SMURF2: variants seen among roughly 807,000 people sequenced by gnomAD.
SMURF2 encodes the protein SMAD specific E3 ubiquitin protein ligase 2.
A neutral mutation model predicts 109.6 loss-of-function variants in SMURF2; 48 were observed. That is an observed-to-expected ratio of 0.44 (90% CI 0.35 to 0.56). The LOEUF (loss-of-function observed/expected upper bound fraction) is 0.56. Among genes scored for constraint, SMURF2 ranks in the 20% least tolerant of loss-of-function variants. SMURF2 has a pLI of 0.01. For missense variants in SMURF2, 575 were observed against 909.0 expected (o/e 0.63, Z 4.72); for synonymous variants, 288 against 317.1 (o/e 0.91, Z 0.97).
In SMURF2 at chr17:64,661,892, CGGGGGCG is replaced by C; in HGVS notation, c.-19_-13del. On this transcript the variant is annotated 5_prime_UTR_variant, in exon 1 of 19. Coordinates refer to ENST00000262435, the MANE Select transcript of SMURF2 (RefSeq NM_022739.4). ...CCGGGGTTAGACATGTCCCCGGCGG[CGGGGGCG>C]GCGGGGGCGGCGGGCGGCACGGGGG... 8.9e-7 allele frequency: 1 copy of C among 1,120,630 alleles called. No homozygotes were observed. Among genetic ancestry groups the C allele is most frequent in the African/African-American group, 2.6e-5 (1 of 38,128 alleles). 69.4% of individuals were successfully genotyped at this position (1,120,630 alleles called of 1,614,324 possible). A position where few individuals can be genotyped will look rare whatever the true frequency, so the allele number is the denominator to read the frequency against.
At chr17:64,570,260 TAACA>T (rs1969378968) in intron 10 of SMURF2, among the ~76,000 whole-genome samples, 2 of 152,234 alleles carry the variant, frequency 1.3e-5, no homozygotes, top group South Asian at 4.1e-4. Context: ...TTTAACATTT[TAACA>T]TACATAAGAA....
chr17:64,583,853 T>C (rs1277124374), intron 6 of SMURF2, among the ~76,000 whole-genome samples: 3 of 149,344 alleles, frequency 2.0e-5, no homozygotes, highest in African/African-American at 7.7e-5. Flanking sequence ...AAAATGGCTA[T>C]ACTAAGAATA....
chr17:64,605,049 A>C (rs1969950160), intron 2 of SMURF2, among the ~76,000 whole-genome samples: 1 of 152,034 alleles, frequency 6.6e-6, no homozygotes, highest in South Asian at 2.1e-4. Context: ...ACCTTAGATC[A>C]ACCTTATCAA....
intron 10 of SMURF2, among the ~76,000 whole-genome samples, chr17:64,568,027 T>G (rs1262100439): frequency 2.0e-5 from 3 of 152,072 alleles, no homozygotes; most frequent in African/African-American, 7.2e-5. Context: ...CTAATTTTTT[T>G]GTATTTTTAG....
intron 1 of SMURF2, among the ~76,000 whole-genome samples, chr17:64,657,375 C>T (rs1047340712): frequency 6.6e-6 from 1 of 152,012 alleles, no homozygotes; most frequent in Non-Finnish European, 1.5e-5. Context: ...GGACATATTA[C>T]GTCTTTAAGA....
intron 1 of SMURF2, among the ~76,000 whole-genome samples, chr17:64,657,701 A>G (rs1429605707): frequency 6.6e-6 from 1 of 151,696 alleles, no homozygotes; most frequent in Non-Finnish European, 1.5e-5. Flanking sequence ...TGTGGGCAAC[A>G]GAATGAGATT....
chr17:64,571,713 C>G (rs1363738946), intron 10 of SMURF2, 85 bp downstream of exon 10: 14 of 1,356,450 alleles, frequency 1.0e-5, no homozygotes, highest in Non-Finnish European at 1.4e-5. Flanking sequence ...GCCACTGTAT[C>G]GAGACTCACA....
In SMURF2 at chr17:64,542,724, A is replaced by C. The variant is rs1968891751; in HGVS notation, c.*3124T>G. On this transcript the variant is annotated 3_prime_UTR_variant, in exon 19 of 19. Transcript: ENST00000262435. ...TCAGTCCAATGCACTGGAAATTCAA[A>C]GCCCAGATTTAGTGTTGTAAAGTAA... The C allele has an allele frequency of 6.6e-6, 1 of 152,230 alleles. No homozygotes were observed. Among genetic ancestry groups the C allele is most frequent in the Non-Finnish European group, 1.5e-5 (1 of 68,054 alleles). 9.4% of individuals were successfully genotyped at this position (152,230 alleles called of 1,614,324 possible).
At chr17:64,619,478 CAAAAAAA>C (rs552413988) in intron 1 of SMURF2, among the ~76,000 whole-genome samples, 94 of 34,910 alleles carry the variant, frequency 2.7e-3, no homozygotes, top group Admixed American at 6.7e-3. Context: ...ACTCTTGTCT[CAAAAAAA>C]AAAAAAAAAA....
At chr17:64,573,626 G>A (rs1048790033) in intron 9 of SMURF2, among the ~76,000 whole-genome samples, 4 of 152,098 alleles carry the variant, frequency 2.6e-5, no homozygotes, top group South Asian at 2.1e-4. Flanking sequence ...AAGGGAGTTC[G>A]GGGGACTGAG....
chr17:64,572,074 T>G, intron 9 of SMURF2, 118 bp from the exon 10 acceptor site: 1 of 884,676 alleles, frequency 1.1e-6, no homozygotes, highest in Non-Finnish European at 1.6e-6. Flanking sequence ...TTCAGAAACT[T>G]GAGATGTTCA....
At chr17:64,609,432 C>T (rs1293554456) in intron 1 of SMURF2, among the ~76,000 whole-genome samples, 2 of 152,020 alleles carry the variant, frequency 1.3e-5, no homozygotes, top group African/African-American at 4.8e-5. Flanking sequence ...ATATATAGAC[C>T]AATGTAACAG....
At chr17:64,626,401 T>C (rs1449681360) in intron 1 of SMURF2, among the ~76,000 whole-genome samples, 1 of 152,174 alleles carries the variant, frequency 6.6e-6, no homozygotes, top group African/African-American at 2.4e-5. Flanking sequence ...TCATCTTGAA[T>C]TTTTTAAGAA....
Position 64,551,505 on chromosome 17 carries a change from T to G in SMURF2, c.1869+79A>C, listed in dbSNP as rs1969045907. On this transcript the variant is annotated intron_variant, in intron 16 of 18. Coordinates refer to ENST00000262435, the MANE Select transcript of SMURF2 (RefSeq NM_022739.4). ...ACTTAGAAAGCACCAGAAATATGCT[T>G]TCCTCTAAAACTAAGTAACAAAATA... is the stretch of plus-strand genomic sequence containing the variant. 2.7e-6 allele frequency: 4 copies of G among 1,465,952 alleles called. No homozygotes were observed. In the African/African-American group the frequency reaches 4.2e-5, roughly 15 times the overall value. The allele number at this position is 1,465,952 out of a possible 1,614,324, so 90.8% of individuals were successfully genotyped here. A position where few individuals can be genotyped will look rare whatever the true frequency, so the allele number is the denominator to read the frequency against.
intron 3 of SMURF2, among the ~76,000 whole-genome samples, chr17:64,597,525 C>A (rs1555688192): frequency 6.6e-6 from 1 of 152,084 alleles, no homozygotes; most frequent in Non-Finnish European, 1.5e-5. Context: ...GTAATCCCGG[C>A]ACTTTGGGAG....
intron 1 of SMURF2, among the ~76,000 whole-genome samples, chr17:64,644,136 G>A (rs7211732): frequency 0.087 from 13,268 of 152,056 alleles, 1,311 homozygotes; most frequent in African/African-American, 0.24. Context: ...CTCCCAAGTA[G>A]TTGGGACTAC....
intron 1 of SMURF2, among the ~76,000 whole-genome samples, chr17:64,648,864 T>C (rs1390487543): frequency 6.6e-6 from 1 of 152,196 alleles, no homozygotes; most frequent in African/African-American, 2.4e-5. Context: ...AAATGCCGTT[T>C]TACTTTTCCT....
At chr17:64,614,040 T>C (rs1970089002) in intron 1 of SMURF2, among the ~76,000 whole-genome samples, 1 of 151,966 alleles carries the variant, frequency 6.6e-6, no homozygotes, top group Non-Finnish European at 1.5e-5. Flanking sequence ...CCTATGAGAA[T>C]CTATTGCCGC....
At chr17:64,564,916 G>A (rs1050913975) in intron 10 of SMURF2, among the ~76,000 whole-genome samples, 25 of 152,180 alleles carry the variant, frequency 1.6e-4, no homozygotes, top group African/African-American at 6.0e-4. Context: ...AGTCCCACAG[G>A]GAGGGACAGA....
Sources: allele counts gnomAD v4.1 joint callset (sites outside exome capture counted in the v4.1 genomes callset), GRCh38; gene constraint gnomAD v4.1.1; transcripts MANE v1.5; gene names NCBI Gene and HGNC (gene_info 2026-07-23, HGNC 2026-07-21).